Variants in MYZAP observed in about 807,000 individuals in gnomAD.
MYZAP encodes myocardial zonula adherens protein, also known as GRINL1A complex locus upstream.
In MYZAP, 66 loss-of-function variants were observed where a neutral mutation model predicts 69.4. That is an observed-to-expected ratio of 0.95 (90% CI 0.78 to 1.17). MYZAP has a LOEUF of 1.17. Ranked by LOEUF, MYZAP falls within the 50% of genes most tolerant of loss-of-function variation. The probability of loss-of-function intolerance (pLI) is 0.00; values close to 1 mark genes in which losing one functional copy is unlikely to be tolerated. For synonymous variants in MYZAP, 256 were observed against 205.9 expected, an observed-to-expected ratio of 1.24 and a Z score of -2.09; for missense variants, 611 against 556.2, an observed-to-expected ratio of 1.10 and a Z score of -0.99.
At chr15:57,628,619 A>T (rs1441587026) in intron 5 of MYZAP, among the ~76,000 whole-genome samples, 1 of 152,092 alleles carries the variant, frequency 6.6e-6, no homozygotes, top group East Asian at 1.9e-4. Flanking sequence ...TGCGGCTTGG[A>T]GCAAAAATCA....
intron 1 of MYZAP, among the ~76,000 whole-genome samples, chr15:57,603,363 T>C (rs2034538663): frequency 6.6e-6 from 1 of 152,200 alleles, no homozygotes; most frequent in South Asian, 2.1e-4. Flanking sequence ...ATTTTGACCC[T>C]TTTTAAGTGT....
At chr15:57,659,595 G>C (rs1285112997) in intron 10 of MYZAP, among the ~76,000 whole-genome samples, 1 of 152,158 alleles carries the variant, frequency 6.6e-6, no homozygotes, top group Non-Finnish European at 1.5e-5. Context: ...TCTTCTCAGT[G>C]AATGAGAGAT....
rs1422911197 is a variant in MYZAP at position 57,641,553 on chromosome 15, G to T, written c.1119+2008G>T. On this transcript the variant is annotated intron_variant, in intron 10 of 12. Transcript: ENST00000267853. Reference sequence around the variant, plus strand: ...GGTCTGTGGTCTGGAAGGCCCAGTCGTTGGAAAGAAATCACCAGCTAAAAT... The same window carrying T: ...GGTCTGTGGTCTGGAAGGCCCAGTCTTTGGAAAGAAATCACCAGCTAAAAT... Among the ~76,000 whole-genome samples, 4 of 152,130 alleles carry T rather than the reference G, an allele frequency of 2.6e-5. No individual in the cohort carries two copies. The East Asian group carries it at 5.8e-4, about 22-fold the overall frequency.
intron 3 of MYZAP, among the ~76,000 whole-genome samples, chr15:57,619,526 C>T (rs970399487): frequency 1.3e-5 from 2 of 152,026 alleles, no homozygotes; most frequent in African/African-American, 2.4e-5. Flanking sequence ...TGCAGGTGCG[C>T]ACCGCTACAC....
intron 3 of MYZAP, 22 bp downstream of exon 3, chr15:57,618,210 G>T: frequency 6.2e-7 from 1 of 1,610,622 alleles, no homozygotes; most frequent in Non-Finnish European, 8.5e-7. Context: ...AAGAGTTTTT[G>T]CCCCCCACCT....
intron 1 of MYZAP, among the ~76,000 whole-genome samples, chr15:57,593,506 A>G (rs567338493): frequency 6.6e-6 from 1 of 152,276 alleles, no homozygotes; most frequent in South Asian, 2.1e-4. Context: ...TCCCTTCCAG[A>G]GGTGGGGATT....
intron 10 of MYZAP, among the ~76,000 whole-genome samples, chr15:57,660,645 G>C (rs116488639): frequency 1.3e-5 from 2 of 152,078 alleles, no homozygotes; most frequent in Non-Finnish European, 2.9e-5. Flanking sequence ...AATTTTGTGA[G>C]CACACAAATT....
At chr15:57,615,782 G>A (rs113583061) in intron 2 of MYZAP, among the ~76,000 whole-genome samples, 297 of 152,322 alleles carry the variant, frequency 1.9e-3, no homozygotes, top group African/African-American at 6.8e-3. Flanking sequence ...TGTAAGGATA[G>A]CATCAGTGCC....
intron 2 of MYZAP, among the ~76,000 whole-genome samples, chr15:57,609,083 A>C (rs557650839): frequency 6.6e-6 from 1 of 152,322 alleles, no homozygotes; most frequent in Admixed American, 6.5e-5. Context: ...GTATAGATAT[A>C]TATTTTTGCA....
At chr15:57,636,841 A>G (rs1005732750) in intron 8 of MYZAP, among the ~76,000 whole-genome samples, 2 of 152,212 alleles carry the variant, frequency 1.3e-5, no homozygotes, top group Non-Finnish European at 2.9e-5. Context: ...ACCATAGCAA[A>G]TTTCCACAAG....
chr15:57,618,083 T>C lies in MYZAP; in HGVS notation c.213T>C (p.Val71=). ...CTACCAGGAAACTTCCTCAGGGTGT[T>C]GTTTATGGTGTGGTGCGAAGATCAG... ...GEPTRKLPQG[V]VYGVVRRSDQ... The change falls in exon 3 of 13, where the codon GTT becomes GTC. Residue 71 remains valine, a synonymous_variant. Coordinates refer to ENST00000267853, the MANE Select transcript of MYZAP (RefSeq NM_001018100.5). 2.5e-6 allele frequency: 4 copies of C among 1,614,130 alleles called. No homozygotes were observed. The highest frequency in any genetic ancestry group is 3.4e-6 in the Non-Finnish European group (4 of 1,180,026).
Position 57,621,087 on chromosome 15 carries a change from TATA to T in MYZAP, c.319-519_319-517del, listed in dbSNP as rs1173001149. Among the ~76,000 whole-genome samples the T allele has an allele frequency of 2.0e-5, 3 of 148,220 alleles. No individual in the cohort carries two copies. The East Asian group carries it at 5.8e-4, about 29-fold the overall frequency. On this transcript the variant is annotated intron_variant, in intron 3 of 12. Coordinates refer to ENST00000267853, the MANE Select transcript of MYZAP (RefSeq NM_001018100.5). ...TATATACATAATAAAATTATATATA[TATA>T]AATTATTTGGATAATTCCTAACTAG... is the stretch of plus-strand genomic sequence containing the variant.
Position 57,625,070 on chromosome 15 carries a change from T to TTTC in MYZAP, c.412-709_412-708insTTC, listed in dbSNP as rs550738932. 5.3e-3 allele frequency among the ~76,000 whole-genome samples: 804 copies of TTTC among 151,390 alleles called. 10 individuals carry two copies. Among genetic ancestry groups the TTTC allele is most frequent in the African/African-American group, 0.019 (761 of 41,124 alleles). ...CAAAACAACTCTTTTTTTTTTTTTT[T>TTTC]AAATGAGACGGAGTTTCGCTGTTGT... is the stretch of plus-strand genomic sequence containing the variant. On this transcript the variant is annotated intron_variant, in intron 4 of 12. Transcript: ENST00000267853.
chr15:57,623,789 T>A (rs1465104190), intron 4 of MYZAP, among the ~76,000 whole-genome samples: 1 of 140,944 alleles, frequency 7.1e-6, no homozygotes. Flanking sequence ...ATAGAATATA[T>A]GCAGTTGTAA....
At chr15:57,662,425 T>C (rs2038357253) in intron 11 of MYZAP, among the ~76,000 whole-genome samples, 1 of 152,182 alleles carries the variant, frequency 6.6e-6, no homozygotes, top group African/African-American at 2.4e-5. Flanking sequence ...TTAGTTACTT[T>C]GGATATGTTC....
chr15:57,604,965 C>G (rs1372457423), intron 2 of MYZAP, among the ~76,000 whole-genome samples: 1 of 152,198 alleles, frequency 6.6e-6, no homozygotes, highest in African/African-American at 2.4e-5. Context: ...GTGTTAAGAT[C>G]CAGCCCTATA....
In MYZAP at chr15:57,676,834, A is replaced by C. The variant is rs544736815; in HGVS notation, c.1304+1766A>C. 5.1e-4 allele frequency among the ~76,000 whole-genome samples: 77 copies of C among 152,328 alleles called. 2 individuals carry two copies. The highest frequency in any genetic ancestry group is 3.4e-3 in the Middle Eastern group (1 of 294). On this transcript the variant is annotated intron_variant, in intron 12 of 12. Transcript: ENST00000267853. The stretch of plus-strand genomic sequence containing the variant: ...CGGTTTTCATAATGGAAGTGCTGAC[A>C]GACCCTTAACTTATGGCCATGGTGA...
chr15:57,599,018 A>G (rs1330512006), intron 1 of MYZAP, among the ~76,000 whole-genome samples: 3 of 152,218 alleles, frequency 2.0e-5, no homozygotes, highest in African/African-American at 7.2e-5. Flanking sequence ...ATGATAATAA[A>G]GAATGTTTAC....
At chr15:57,682,196 C>T (rs1481142305) in intron 12 of MYZAP, among the ~76,000 whole-genome samples, 2 of 152,084 alleles carry the variant, frequency 1.3e-5, no homozygotes, top group Non-Finnish European at 2.9e-5. Context: ...CTTTGGAGTC[C>T]TCCTGGATTC....
Sources: allele counts gnomAD v4.1 joint callset (sites outside exome capture counted in the v4.1 genomes callset), GRCh38; gene constraint gnomAD v4.1.1; transcripts MANE v1.5; gene names NCBI Gene and HGNC (gene_info 2026-07-23, HGNC 2026-07-21).